Variants in GUCY2C observed in about 807,000 individuals in gnomAD.
The protein encoded by GUCY2C is guanylyl cyclase C.
GUCY2C carries 118 observed loss-of-function variants against 131.1 expected under a neutral mutation model. That is an observed-to-expected ratio of 0.90 (90% CI 0.78 to 1.05). The LOEUF (loss-of-function observed/expected upper bound fraction) is 1.05. Ranked by LOEUF, GUCY2C falls within the 50% of genes least tolerant of loss-of-function variation. The pLI, the probability that GUCY2C is intolerant of heterozygous loss-of-function variation, is 0.00. For synonymous variants in GUCY2C, 452 were observed against 457.8 expected, an observed-to-expected ratio of 0.99 and a Z score of 0.16; for missense variants, 1,161 against 1,304.4, an observed-to-expected ratio of 0.89 and a Z score of 1.69.
intron 21 of GUCY2C, among the ~76,000 whole-genome samples, chr12:14,625,090 A>AC (rs1163869079): frequency 6.6e-6 from 1 of 152,176 alleles, no homozygotes; most frequent in South Asian, 2.1e-4. Context: ...GTTGCAAGAC[A>AC]CCACTTGCCA....
intron 9 of GUCY2C, among the ~76,000 whole-genome samples, chr12:14,670,821 T>C (rs1948092056): frequency 6.6e-6 from 1 of 151,840 alleles, no homozygotes; most frequent in Admixed American, 6.5e-5. Context: ...AAAAAATTTT[T>C]TTTTTCTCTT....
At chr12:14,669,471 C>T (rs1242695021) in intron 10 of GUCY2C, among the ~76,000 whole-genome samples, 5 of 152,048 alleles carry the variant, frequency 3.3e-5, no homozygotes, top group African/African-American at 1.2e-4. Flanking sequence ...CTGCCTTGGC[C>T]TCCCAAAGTG....
At chr12:14,679,074 A>G (rs1335075164) in intron 6 of GUCY2C, among the ~76,000 whole-genome samples, 1 of 152,210 alleles carries the variant, frequency 6.6e-6, no homozygotes, top group Non-Finnish European at 1.5e-5. Flanking sequence ...GGTTGAAGGA[A>G]AAGTAATCTA....
At chr12:14,649,747 T>A (rs1251477392) in intron 15 of GUCY2C, among the ~76,000 whole-genome samples, 1 of 152,156 alleles carries the variant, frequency 6.6e-6, no homozygotes, top group Non-Finnish European at 1.5e-5. Context: ...CTATTTCAGG[T>A]CTTTCAAAAT....
chr12:14,688,545 C>T (rs1022907214), intron 1 of GUCY2C, among the ~76,000 whole-genome samples: 1 of 152,120 alleles, frequency 6.6e-6, no homozygotes, highest in African/African-American at 2.4e-5. Context: ...TATTTGTTGC[C>T]AACTTGCAGG....
intron 10 of GUCY2C, among the ~76,000 whole-genome samples, chr12:14,667,036 A>G (rs1947996245): frequency 6.6e-6 from 1 of 152,162 alleles, no homozygotes; most frequent in South Asian, 2.1e-4. Flanking sequence ...ACTGTAAACT[A>G]GTTCAACCAT....
chr12:14,682,476 G>A (rs573526602), intron 4 of GUCY2C, among the ~76,000 whole-genome samples: 1 of 152,224 alleles, frequency 6.6e-6, no homozygotes, highest in African/African-American at 2.4e-5. Context: ...CCAGCTATGC[G>A]AAACTGTGAG....
At chr12:14,661,540 G>T (rs1370567346) in intron 10 of GUCY2C, among the ~76,000 whole-genome samples, 9 of 152,146 alleles carry the variant, frequency 5.9e-5, no homozygotes, top group African/African-American at 2.2e-4. Context: ...CCTGGTTCAA[G>T]TGATTCTCCT....
intron 19 of GUCY2C, among the ~76,000 whole-genome samples, chr12:14,633,147 C>T (rs1196074235): frequency 6.6e-6 from 1 of 152,140 alleles, no homozygotes; most frequent in Admixed American, 6.5e-5. Flanking sequence ...AACGCTGGTA[C>T]CAGATAAGCT....
In GUCY2C at chr12:14,616,663, A is replaced by T; in HGVS notation, c.2940T>A (p.Leu980=). 1 of 1,603,028 alleles carries T rather than the reference A, an allele frequency of 6.2e-7. No homozygotes were observed. Residue 980 remains leucine (L), a synonymous_variant, in exon 25 of 27, where the codon CTT becomes CTA. Transcript: ENST00000261170. ...AILKRTECQF[L]YEVRGETYLK... ...AGTATGTTTCTCCTCTCACTTCATA[A>T]AGGAACTGGCACTCAGTTCTCTTCA...
chr12:14,640,169 G>C (rs1337061145), intron 18 of GUCY2C, among the ~76,000 whole-genome samples: 2 of 152,080 alleles, frequency 1.3e-5, no homozygotes, highest in Non-Finnish European at 2.9e-5. Flanking sequence ...TTACCTTAAG[G>C]ATAGGCTACC....
chr12:14,614,660 A>C (rs995701938), intron 26 of GUCY2C: 2 of 504,100 alleles, frequency 4.0e-6, no homozygotes, highest in Non-Finnish European at 3.4e-6. Context: ...TTTCTGTTTC[A>C]TTGAGGTCTC....
chr12:14,663,905 T>C (rs1947918651), intron 10 of GUCY2C, among the ~76,000 whole-genome samples: 1 of 152,214 alleles, frequency 6.6e-6, no homozygotes, highest in African/African-American at 2.4e-5. Flanking sequence ...AATACATAAA[T>C]AAATTCATAT....
At chr12:14,670,489 A>C (rs781377416) in intron 9 of GUCY2C, among the ~76,000 whole-genome samples, 1 of 152,104 alleles carries the variant, frequency 6.6e-6, no homozygotes, top group Non-Finnish European at 1.5e-5. Context: ...TATTGAGTCA[A>C]TTTTGTAAGG....
chr12:14,627,570 T>C (rs1336409979), intron 20 of GUCY2C, among the ~76,000 whole-genome samples: 1 of 152,172 alleles, frequency 6.6e-6, no homozygotes, highest in Non-Finnish European at 1.5e-5. Flanking sequence ...CACCTGTATG[T>C]ACCCCAGACC....
intron 21 of GUCY2C, among the ~76,000 whole-genome samples, chr12:14,625,432 A>G (rs1265815055): frequency 1.3e-5 from 2 of 148,772 alleles, no homozygotes; most frequent in East Asian, 2.0e-4. Flanking sequence ...GGTTCACTCC[A>G]TTCTCCTGCC....
chr12:14,628,512 T>C, intron 20 of GUCY2C, 134 bp downstream of exon 20: 1 of 622,092 alleles, frequency 1.6e-6, no homozygotes, highest in Non-Finnish European at 2.9e-6. Flanking sequence ...TTTAATGTTA[T>C]GAGGCAGTTG....
intron 12 of GUCY2C, among the ~76,000 whole-genome samples, chr12:14,655,470 G>A (rs1487304243): frequency 6.6e-6 from 1 of 152,182 alleles, no homozygotes; most frequent in Non-Finnish European, 1.5e-5. Context: ...GACATGAGGG[G>A]ATTGGAGCCA....
At position 14,652,001 on chromosome 12, in the gene GUCY2C, A is replaced by G. The variant is rs2137039611; in HGVS notation, c.1563T>C (p.Asn521=). Residue 521 remains asparagine (N), a synonymous_variant, in exon 14 of 27, where the codon AAT becomes AAC. Transcript: ENST00000261170. Reference sequence around the variant, plus strand: ...TCTGTTTTTCAGTGAAATTACCATCATTGTGCTTGAGATCTTTGAGAATCA... The same window carrying G: ...TCTGTTTTTCAGTGAAATTACCATCGTTGTGCTTGAGATCTTTGAGAATCA... ...KRVILKDLKH[N]DGNFTEKQKI... 1.9e-6 allele frequency: 3 copies of G among 1,603,632 alleles called. No individual in the cohort carries two copies. Among genetic ancestry groups the G allele is most frequent in the Non-Finnish European group, 1.7e-6 (2 of 1,170,958 alleles).
Sources: allele counts gnomAD v4.1 joint callset (sites outside exome capture counted in the v4.1 genomes callset), GRCh38; gene constraint gnomAD v4.1.1; transcripts MANE v1.5; gene names NCBI Gene and HGNC (gene_info 2026-07-23, HGNC 2026-07-21).